The following LAMA5 variants were observed in gnomAD, a reference collection of about 807,000 sequenced individuals.
LAMA5 encodes the protein laminin subunit alpha-5.
Under a neutral mutation model 433.4 loss-of-function variants are expected in LAMA5, and 260 were observed. The ratio of observed to expected loss-of-function variants is 0.60; its 90% CI spans 0.54 to 0.66. The LOEUF is 0.66. LAMA5 is among the 30% of genes least tolerant of loss of function. The pLI is 0.00. For missense variants in LAMA5, 5,378 were observed against 5,258.5 expected, an observed-to-expected ratio of 1.02 and a Z score of -0.70; for synonymous variants, 2,620 against 2,226.6, an observed-to-expected ratio of 1.18 and a Z score of -4.97.
chr20:62,335,706 C>G (rs1282534902), intron 18 of LAMA5, among the ~76,000 whole-genome samples: 2 of 134,948 alleles, frequency 1.5e-5, no homozygotes, highest in African/African-American at 5.6e-5. Context: ...ACACCCCCTC[C>G]AGAGCACACT....
rs1601305077 is a variant in LAMA5 at position 62,319,020 on chromosome 20, G to C, written c.6872-7C>G. On this transcript the variant is annotated splice_region_variant and splice_polypyrimidine_tract_variant and intron_variant, in intron 51 of 79. Transcript: ENST00000252999. ...CCCGTCTGGGACATGAGCTCTGTGGGGCAGGGGTTCGTCAGAGCCTGGGGC... is the reference window on the plus strand; with the variant it reads ...CCCGTCTGGGACATGAGCTCTGTGGCGCAGGGGTTCGTCAGAGCCTGGGGC... The C allele has an allele frequency of 1.9e-6, 3 of 1,560,890 alleles. No individual in the cohort carries two copies. The highest frequency in any genetic ancestry group is 2.6e-6 in the Non-Finnish European group (3 of 1,155,628).
chr20:62,366,532 C>A (rs1201118457), intron 1 of LAMA5, among the ~76,000 whole-genome samples: 1 of 152,230 alleles, frequency 6.6e-6, no homozygotes, highest in Non-Finnish European at 1.5e-5. Flanking sequence ...CCCTCCCACC[C>A]CATCCAGAGG....
Position 62,318,652 on chromosome 20 carries a change from T to C in LAMA5, c.7043-2A>G. On this transcript the variant is annotated splice_acceptor_variant, in intron 52 of 79. Coordinates refer to ENST00000252999, the MANE Select transcript of LAMA5 (RefSeq NM_005560.6). LOFTEE classifies it high-confidence loss of function. ...GCTGCTCCTGCACCCGGGCCAGCAC[T>C]AGCCGAGACCAGGGTGAGGGTGGTC... The C allele has an allele frequency of 6.2e-7, 1 of 1,609,494 alleles. No homozygotes were observed. The highest frequency in any genetic ancestry group is 8.5e-7 in the Non-Finnish European group (1 of 1,178,624).
Position 62,310,803 on chromosome 20 carries a change from C to G in LAMA5, c.10308G>C (p.Arg3436=). The G allele has an allele frequency of 6.4e-7, 1 of 1,555,218 alleles. No homozygotes were observed. Among genetic ancestry groups the G allele is most frequent in the Non-Finnish European group, 8.7e-7 (1 of 1,150,334 alleles). The change falls in exon 75 of 80, where the codon CGG becomes CGC. Residue 3436 remains arginine (R), a synonymous_variant. Coordinates refer to ENST00000252999, the MANE Select transcript of LAMA5 (RefSeq NM_005560.6). The stretch of plus-strand genomic sequence containing the variant: ...GGGCCCCGTCCGTCACCAGCAGGAT[C>G]CGGTTCTTCTCCCAGCGCACGGAGA... ...HKVSVRWEKN[R]ILLVTDGARA...
chr20:62,322,538 A>G, intron 46 of LAMA5, 89 bp from the exon 47 acceptor site: 1 of 1,450,654 alleles, frequency 6.9e-7, no homozygotes, highest in Non-Finnish European at 9.3e-7. Flanking sequence ...ATCTGGCCCC[A>G]CCCCCTGAGG....
In LAMA5 at chr20:62,326,881, G is replaced by A. The variant is rs146853611; in HGVS notation, c.5198C>T (p.Pro1733Leu). ...GDVFVPMESR[P>L]DVVLQGNQMS... Reference sequence around the variant, plus strand: ...CTCCCTCACCTGCAGCACCACATCCGGCCTGCTCTCCATGGGGACAAAGAC... The same window carrying A: ...CTCCCTCACCTGCAGCACCACATCCAGCCTGCTCTCCATGGGGACAAAGAC... The change falls in exon 39 of 80, where the codon CCG becomes CTG. Residue 1733 changes from proline to leucine, a missense_variant. Transcript: ENST00000252999. The A allele has an allele frequency of 4.8e-5, 77 of 1,611,946 alleles. No homozygotes were observed. In the Admixed American group the frequency reaches 5.8e-4, roughly 12 times the overall value.
intron 38 of LAMA5, 122 bp downstream of exon 38, chr20:62,327,111 G>T: frequency 8.8e-7 from 1 of 1,142,554 alleles, no homozygotes; most frequent in Non-Finnish European, 1.2e-6. Flanking sequence ...CAGGGCCTGG[G>T]CACCCTCACG....
At chr20:62,366,737 G>C (rs570175451) in intron 1 of LAMA5, among the ~76,000 whole-genome samples, 1 of 152,230 alleles carries the variant, frequency 6.6e-6, no homozygotes, top group South Asian at 2.1e-4. Context: ...GTCCATGCCG[G>C]GGACTTTAAT....
At chr20:62,360,890 G>A (rs1055002013) in intron 2 of LAMA5, among the ~76,000 whole-genome samples, 1 of 152,112 alleles carries the variant, frequency 6.6e-6, no homozygotes, top group African/African-American at 2.4e-5. Context: ...AGAGCCAAGG[G>A]GTGGTGGAGC....
rs1191337021 is a variant in LAMA5 at position 62,332,649 on chromosome 20, A to G, written c.3351T>C (p.Asn1117=). 4 of 1,608,956 alleles carry G rather than the reference A, an allele frequency of 2.5e-6. No homozygotes were observed. The highest frequency in any genetic ancestry group is 2.7e-5 in the African/African-American group (2 of 74,754). Residue 1117 remains asparagine (N), a synonymous_variant, in exon 27 of 80, where the codon AAT becomes AAC. Transcript: ENST00000252999. ...GRYALVVEYA[N]EDARQEVGVA... is the part of the protein sequence containing the mutation. ...CGCCCACCTCCTGGCGGGCATCCTCATTGGCGTACTCCACCACTAGGGCAT... is the reference window on the plus strand; with the variant it reads ...CGCCCACCTCCTGGCGGGCATCCTCGTTGGCGTACTCCACCACTAGGGCAT...
intron 43 of LAMA5, 34 bp from the exon 44 acceptor site, chr20:62,323,890 C>A (rs375863391): frequency 6.6e-5 from 103 of 1,571,386 alleles, no homozygotes; most frequent in Non-Finnish European, 8.7e-5. Flanking sequence ...CACTAGGCCC[C>A]TGGCAGTGCC....
At position 62,356,864 on chromosome 20, in the gene LAMA5, G is replaced by A. The variant is rs557629200; in HGVS notation, c.451-3613C>T. 1.5e-3 allele frequency among the ~76,000 whole-genome samples: 230 copies of A among 152,368 alleles called. 7 individuals carry two copies. The South Asian group carries it at 0.045, about 30-fold the overall frequency. On this transcript the variant is annotated intron_variant, in intron 2 of 79. Transcript: ENST00000252999. Reference sequence around the variant, plus strand: ...GGAGGGAGGACGCCAGCTGCTCCTGGAGGGCAGCAGCCACCCCGCAGAGAC... The same window carrying A: ...GGAGGGAGGACGCCAGCTGCTCCTGAAGGGCAGCAGCCACCCCGCAGAGAC...
Position 62,327,676 on chromosome 20 carries a change from AT to A in LAMA5, c.4798-8del. On this transcript the variant is annotated splice_region_variant and splice_polypyrimidine_tract_variant and intron_variant, in intron 36 of 79. Transcript: ENST00000252999. ...TGGGGCCCTGCACGTTCTCCTAGGG[AT>A]GAGAGGACAGTGAGAGTGGTCGGCA... is the stretch of plus-strand genomic sequence containing the variant. 1 of 1,612,250 alleles carries A rather than the reference AT, an allele frequency of 6.2e-7. No homozygotes were observed. The highest frequency in any genetic ancestry group is 1.3e-5 in the African/African-American group (1 of 75,024).
rs550344524 is a variant in LAMA5 at position 62,327,574 on chromosome 20, A to T, written c.4893T>A (p.Phe1631Leu). ...AGCTCCGGCAGCGCTCCGTGGCCCC[A>T]AAGCAGAAGCAGCGGGTGCAACCTT... ...NPKGCTRCFC[F>L]GATERCRSSS... Residue 1631 changes from phenylalanine to leucine, a missense_variant, in exon 37 of 80, where the codon TTT becomes TTA. By Grantham distance (22) the Phe-to-Leu change is conservative (BLOSUM62 0). Coordinates refer to ENST00000252999, the MANE Select transcript of LAMA5 (RefSeq NM_005560.6). 5.6e-6 allele frequency: 9 copies of T among 1,612,908 alleles called. No homozygotes were observed. The highest frequency in any genetic ancestry group is 5.9e-6 in the Non-Finnish European group (7 of 1,179,996).
intron 26 of LAMA5, 93 bp downstream of exon 26, chr20:62,332,997 C>G: frequency 7.4e-7 from 1 of 1,359,316 alleles, no homozygotes; most frequent in Non-Finnish European, 9.7e-7. Context: ...AGGCAGCGCC[C>G]TGCTCCTATA....
In LAMA5 at chr20:62,313,110, A is replaced by G. The variant is rs773911404; in HGVS notation, c.8933T>C (p.Val2978Ala). 2.5e-6 allele frequency: 4 copies of G among 1,603,120 alleles called. No individual in the cohort carries two copies. Among genetic ancestry groups the G allele is most frequent in the East Asian group, 4.5e-5 (2 of 44,048 alleles). The change falls in exon 65 of 80, where the codon GTG becomes GCG. Residue 2978 changes from valine to alanine, a missense_variant. Physicochemically the swap from Val to Ala is moderately conservative, Grantham distance 64. Transcript: ENST00000252999. ...CACCTGCTGCTTCAGGAAGAAGAGC[A>G]CCCCGCTGTAGGACACGAGCCGCAG... Reference protein sequence around the residue: ...QELRLVSYSGVLFFLKQQSQF... With the variant: ...QELRLVSYSGALFFLKQQSQF...
chr20:62,335,792 C>T (rs371053804), intron 18 of LAMA5, among the ~76,000 whole-genome samples: 6 of 134,184 alleles, frequency 4.5e-5, no homozygotes, highest in South Asian at 2.7e-4. Flanking sequence ...TCCAGTCCCA[C>T]GCAGGAACCC....
In LAMA5 at chr20:62,323,601, G is replaced by A. The variant is rs777638275; in HGVS notation, c.5919C>T (p.Gly1973=). ...TGAAGAGCAAGTTGGGGTCACCGTTGCCGCTGCAGTCGCATGGCTGGCAGG... is the reference window on the plus strand; with the variant it reads ...TGAAGAGCAAGTTGGGGTCACCGTTACCGCTGCAGTCGCATGGCTGGCAGG... ...GSSCQPCDCS[G]NGDPNLLFSD... is the part of the protein sequence containing the mutation. Residue 1973 remains glycine, a synonymous_variant, in exon 45 of 80, where the codon GGC becomes GGT. Coordinates refer to ENST00000252999, the MANE Select transcript of LAMA5 (RefSeq NM_005560.6). The A allele has an allele frequency of 6.2e-7, 1 of 1,611,150 alleles. No homozygotes were observed. Among genetic ancestry groups the A allele is most frequent in the Non-Finnish European group, 8.5e-7 (1 of 1,179,396 alleles).
chr20:62,315,906 A>G, intron 58 of LAMA5, 42 bp downstream of exon 58: 2 of 1,450,030 alleles, frequency 1.4e-6, no homozygotes, highest in Non-Finnish European at 1.9e-6. Flanking sequence ...ACAGAGCCTC[A>G]TGGTCGGCCG....
Sources: gnomAD v4.1 joint callset for allele counts (sites outside exome capture counted in the v4.1 genomes callset) on GRCh38, gnomAD v4.1.1 for gene constraint, MANE v1.5 for transcripts, NCBI Gene and HGNC (gene_info 2026-07-23, HGNC 2026-07-21) for gene names.